The following GRM8 variants were observed in gnomAD, a reference collection of about 807,000 sequenced individuals.
The protein encoded by GRM8 is metabotropic glutamate receptor 8.
Under a neutral mutation model 87.2 loss-of-function variants are expected in GRM8, and 47 were observed. The observed-to-expected ratio is 0.54, with a 90% CI of 0.43 to 0.69. The LOEUF is 0.69. GRM8 is among the 30% of genes least tolerant of loss of function. The probability of loss-of-function intolerance (pLI) is 0.00; values close to 1 mark genes in which losing one functional copy is unlikely to be tolerated. For synonymous variants in GRM8, 396 were observed against 404.5 expected, an observed-to-expected ratio of 0.98 and a Z score of 0.25; for missense variants, 1,019 against 1,139.2, an observed-to-expected ratio of 0.89 and a Z score of 1.52.
chr7:126,959,686 C>T (rs1809108465), intron 3 of GRM8, among the ~76,000 whole-genome samples: 1 of 152,022 alleles, frequency 6.6e-6, no homozygotes, highest in African/African-American at 2.4e-5. Flanking sequence ...TTATTTTTTC[C>T]TTTAAAGGAC....
At chr7:126,912,198 AAAAC>A (rs55857352) in intron 3 of GRM8, among the ~76,000 whole-genome samples, 54,572 of 150,564 alleles carry the variant, frequency 0.36, 10,463 homozygotes, top group East Asian at 0.66. Flanking sequence ...CTCTGTCTCA[AAAAC>A]AAACAAACAA....
chr7:126,989,153 C>T (rs1398679402), intron 3 of GRM8, among the ~76,000 whole-genome samples: 1 of 152,136 alleles, frequency 6.6e-6, no homozygotes, highest in African/African-American at 2.4e-5. Flanking sequence ...TTCCTAAGTA[C>T]AGAGATCCCA....
At chr7:126,860,116 AC>A (rs1422243586) in intron 6 of GRM8, among the ~76,000 whole-genome samples, 2 of 152,188 alleles carry the variant, frequency 1.3e-5, no homozygotes, top group African/African-American at 4.8e-5. Context: ...AGGACAAATA[AC>A]TTACAAATAA....
intron 2 of GRM8, among the ~76,000 whole-genome samples, chr7:127,147,250 A>G (rs1289281860): frequency 2.0e-5 from 3 of 152,028 alleles, no homozygotes; most frequent in African/African-American, 7.2e-5. Context: ...TCTGAACCCC[A>G]CCACCAAACC....
At chr7:127,036,757 G>A (rs1466892982) in intron 3 of GRM8, among the ~76,000 whole-genome samples, 1 of 152,122 alleles carries the variant, frequency 6.6e-6, no homozygotes. Context: ...TCTGGGGAGA[G>A]AGCCCTGTCT....
intron 2 of GRM8, among the ~76,000 whole-genome samples, chr7:127,144,852 C>G (rs964038169): frequency 6.6e-6 from 1 of 152,066 alleles, no homozygotes; most frequent in Non-Finnish European, 1.5e-5. Context: ...AAAATGCACT[C>G]TCTGGTAGAT....
intron 2 of GRM8, among the ~76,000 whole-genome samples, chr7:127,242,479 AAAAG>A (rs779338661): frequency 2.0e-5 from 3 of 152,210 alleles, no homozygotes; most frequent in African/African-American, 2.4e-5. Flanking sequence ...GGAAAAAAAA[AAAAG>A]AGTCAAAATT....
At chr7:127,134,276 G>A (rs1017535132) in intron 2 of GRM8, among the ~76,000 whole-genome samples, 2 of 152,092 alleles carry the variant, frequency 1.3e-5, no homozygotes, top group African/African-American at 2.4e-5. Context: ...AGTTTCCTTC[G>A]TTAAGAAAAA....
Position 126,904,575 on chromosome 7 carries a change from A to G in GRM8, c.836T>C (p.Ile279Thr). The change falls in exon 4 of 11, where the codon ATT becomes ACT. Residue 279 changes from isoleucine (I) to threonine (T), a missense_variant. Transcript: ENST00000339582. ...LLETPNARAV[I>T]MFANEDDIRR... ...GATGTCATCCTCATTGGCAAACATA[A>G]TCACTGCTCGAGCATTAGGTGTTTC... The G allele has an allele frequency of 6.2e-7, 1 of 1,613,864 alleles. No homozygotes were observed. The highest frequency in any genetic ancestry group is 8.5e-7 in the Non-Finnish European group (1 of 1,179,766).
At chr7:126,987,330 T>C (rs1234809795) in intron 3 of GRM8, among the ~76,000 whole-genome samples, 1 of 152,184 alleles carries the variant, frequency 6.6e-6, no homozygotes, top group African/African-American at 2.4e-5. Flanking sequence ...CACTAGCTCA[T>C]GTACCTCCTG....
intron 3 of GRM8, among the ~76,000 whole-genome samples, chr7:127,047,161 A>G (rs1819009179): frequency 6.6e-6 from 1 of 152,232 alleles, no homozygotes; most frequent in Non-Finnish European, 1.5e-5. Context: ...ATTGGAAAAC[A>G]GCCACACCCA....
At chr7:127,050,267 G>A (rs541579078) in intron 3 of GRM8, among the ~76,000 whole-genome samples, 13 of 152,120 alleles carry the variant, frequency 8.5e-5, no homozygotes, top group Non-Finnish European at 1.5e-4. Flanking sequence ...CTGACTGTGC[G>A]TGGGGGATGT....
chr7:127,068,691 G>A (rs940374874), intron 3 of GRM8, among the ~76,000 whole-genome samples: 18 of 152,156 alleles, frequency 1.2e-4, no homozygotes, highest in African/African-American at 3.9e-4. Flanking sequence ...ACCAACTACC[G>A]ACTGAAGACA....
chr7:126,999,360 C>T (rs1437993418), intron 3 of GRM8, among the ~76,000 whole-genome samples: 1 of 151,716 alleles, frequency 6.6e-6, no homozygotes, highest in Non-Finnish European at 1.5e-5. Flanking sequence ...ACTGCACAAG[C>T]ACAGGCAACC....
intron 9 of GRM8, among the ~76,000 whole-genome samples, chr7:126,489,216 G>A (rs1297920921): frequency 2.0e-5 from 3 of 151,694 alleles, no homozygotes; most frequent in East Asian, 1.9e-4. Flanking sequence ...TTTAAATGAC[G>A]TATTTTATGA....
At chr7:127,150,606 T>C (rs1249402982) in intron 2 of GRM8, among the ~76,000 whole-genome samples, 2 of 152,130 alleles carry the variant, frequency 1.3e-5, no homozygotes, top group Non-Finnish European at 2.9e-5. Flanking sequence ...ATTATTCCCA[T>C]TTTGCAGACG....
At chr7:127,123,394 G>T (rs1215601996) in intron 2 of GRM8, among the ~76,000 whole-genome samples, 2 of 152,082 alleles carry the variant, frequency 1.3e-5, no homozygotes, top group Non-Finnish European at 2.9e-5. Context: ...AAGGTTGGGG[G>T]AGTGAGTTCT....
intron 7 of GRM8, among the ~76,000 whole-genome samples, chr7:126,629,595 C>A (rs1801052561): frequency 6.6e-6 from 1 of 151,914 alleles, no homozygotes; most frequent in African/African-American, 2.4e-5. Flanking sequence ...GCCTAAGTGT[C>A]TAAAGAAATA....
At chr7:126,773,057 G>A (rs919019551) in intron 6 of GRM8, among the ~76,000 whole-genome samples, 1 of 152,040 alleles carries the variant, frequency 6.6e-6, no homozygotes, top group Non-Finnish European at 1.5e-5. Context: ...AAAAGATACA[G>A]AGAGGAGGGA....
Sources: gnomAD v4.1 joint callset for allele counts (sites outside exome capture counted in the v4.1 genomes callset) on GRCh38, gnomAD v4.1.1 for gene constraint, MANE v1.5 for transcripts, NCBI Gene and HGNC (gene_info 2026-07-23, HGNC 2026-07-21) for gene names.